IARS2: variants seen among roughly 807,000 people sequenced by gnomAD.
IARS2 encodes isoleucine--tRNA ligase, mitochondrial.
In IARS2, 56 loss-of-function variants were observed where a neutral mutation model predicts 126.3. That is an observed-to-expected ratio of 0.44 (90% CI 0.36 to 0.55). The LOEUF (loss-of-function observed/expected upper bound fraction) is 0.55, where lower values mean the gene tolerates loss of function less well. Ranked by LOEUF, IARS2 falls within the 20% of genes least tolerant of loss-of-function variation. The pLI, the probability that IARS2 is intolerant of heterozygous loss-of-function variation, is 0.00. For synonymous variants in IARS2, 407 were observed against 441.1 expected (o/e 0.92, Z 0.97); for missense variants, 1,127 against 1,245.9 (o/e 0.90, Z 1.44).
At chr1:220,132,115 T>C (rs1657282660) in intron 14 of IARS2, among the ~76,000 whole-genome samples, 1 of 152,188 alleles carries the variant, frequency 6.6e-6, no homozygotes, top group Non-Finnish European at 1.5e-5. Context: ...TTTTTGTGTC[T>C]TTGTTCAACA....
chr1:220,132,741 G>C (rs769050442), intron 14 of IARS2, among the ~76,000 whole-genome samples: 1 of 151,894 alleles, frequency 6.6e-6, no homozygotes, highest in Non-Finnish European at 1.5e-5. Flanking sequence ...GGCCAGGCTG[G>C]TCTTGAACTC....
Position 220,143,376 on chromosome 1 carries a change from A to G in IARS2, c.2751+242A>G, listed in dbSNP as rs557859081. On this transcript the variant is annotated intron_variant, in intron 21 of 22. Coordinates refer to ENST00000366922, the MANE Select transcript of IARS2 (RefSeq NM_018060.4). ...AAATTAAAAAAAAATTAATTTAGAA[A>G]TTAGGGTTTCCGTCTTCTAATCCTG... 10 of 295,858 alleles carry G rather than the reference A, an allele frequency of 3.4e-5. 1 individual carries two copies. In the East Asian group the frequency reaches 5.3e-4, roughly 16 times the overall value. 18.3% of individuals were successfully genotyped at this position (295,858 alleles called of 1,614,324 possible).
In IARS2 at chr1:220,139,079, A is replaced by C. The variant is rs189498035; in HGVS notation, c.2247A>C (p.Val749=). 1.0e-4 allele frequency: 163 copies of C among 1,613,190 alleles called. No homozygotes were observed. The highest frequency in any genetic ancestry group is 1.3e-4 in the Non-Finnish European group (156 of 1,179,152). The change falls in exon 18 of 23, where the codon GTA becomes GTC. Residue 749 remains valine, a synonymous_variant. Transcript: ENST00000366922. ...ACCCAGAAACAGATTCCATCCCTGT[A>C]AACGATATGTATGTCATAGACCAGT... ...DFNPETDSIP[V]NDMYVIDQYM... is the part of the protein sequence containing the mutation.
intron 21 of IARS2, chr1:220,143,910 A>AT: frequency 1.7e-5 from 15 of 878,494 alleles, no homozygotes; most frequent in South Asian, 4.5e-5. Flanking sequence ...AATGAATATA[A>AT]TTTTTTTTCC....
At chr1:220,102,064 C>A in intron 3 of IARS2, 65 bp from the exon 4 acceptor site, 2 of 1,451,306 alleles carry the variant, frequency 1.4e-6, no homozygotes, top group Admixed American at 2.0e-5. Flanking sequence ...GAGATACATG[C>A]TAAACCATGT....
intron 9 of IARS2, among the ~76,000 whole-genome samples, chr1:220,106,630 CTTTT>C (rs200435156): frequency 1.4e-5 from 2 of 138,274 alleles, no homozygotes; most frequent in Admixed American, 7.3e-5. Context: ...CTTTTCTTTT[CTTTT>C]TTTTTTTTTT....
At chr1:220,127,847 A>G (rs987798513) in intron 14 of IARS2, among the ~76,000 whole-genome samples, 22 of 152,326 alleles carry the variant, frequency 1.4e-4, no homozygotes, top group African/African-American at 5.3e-4. Context: ...TAATGGCCAA[A>G]TATAAGTTAC....
At chr1:220,136,218 G>A (rs758985813) in intron 15 of IARS2, among the ~76,000 whole-genome samples, 9 of 152,098 alleles carry the variant, frequency 5.9e-5, no homozygotes, top group Non-Finnish European at 5.9e-5. Flanking sequence ...TGCAATCTCC[G>A]CCTCTTGGGT....
At position 220,126,599 on chromosome 1, in the gene IARS2, A is replaced by T. The variant is rs1322922446; in HGVS notation, c.1744-151A>T. 4 of 615,044 alleles carry T rather than the reference A, an allele frequency of 6.5e-6. No homozygotes were observed. The East Asian group carries it at 1.2e-4, about 18-fold the overall frequency. The allele number at this position is 615,044 out of a possible 1,614,324, so 38.1% of individuals were successfully genotyped here. A position where few individuals can be genotyped will look rare whatever the true frequency, so the allele number is the denominator to read the frequency against. ...AATGTGAATGGAGGGAGTTGAAGTT[A>T]ACTGTGAAATGCTTAAAAATACTGT... On this transcript the variant is annotated intron_variant, in intron 13 of 22. Transcript: ENST00000366922.
intron 12 of IARS2, among the ~76,000 whole-genome samples, chr1:220,120,184 C>T (rs377478810): frequency 4.7e-5 from 7 of 149,860 alleles, no homozygotes; most frequent in Non-Finnish European, 7.4e-5. Flanking sequence ...CAGCTTCAAG[C>T]GATTCTCCTT....
chr1:220,105,541 G>A (rs1045403630), intron 8 of IARS2, among the ~76,000 whole-genome samples: 1 of 152,078 alleles, frequency 6.6e-6, no homozygotes, highest in Non-Finnish European at 1.5e-5. Context: ...TTTGTATGGG[G>A]TAGGTTTTCT....
chr1:220,109,992 C>T (rs1010033299), intron 10 of IARS2, among the ~76,000 whole-genome samples: 5 of 151,930 alleles, frequency 3.3e-5, no homozygotes, highest in South Asian at 2.1e-4. Flanking sequence ...ACAGTCCGTG[C>T]TTTTTTTTGC....
chr1:220,100,373 A>T, intron 2 of IARS2, 117 bp from the exon 3 acceptor site: 3 of 858,600 alleles, frequency 3.5e-6, no homozygotes, highest in Non-Finnish European at 3.5e-6. Context: ...AAAGAACATA[A>T]ATTGTAGGCC....
chr1:220,133,647 A>C (rs1156661110), intron 14 of IARS2, among the ~76,000 whole-genome samples: 2 of 152,190 alleles, frequency 1.3e-5, no homozygotes, highest in Non-Finnish European at 2.9e-5. Flanking sequence ...ACCTCATGTT[A>C]CTTTTTTTTG....
chr1:220,105,948 C>T lies in IARS2; in HGVS notation c.1124C>T (p.Pro375Leu). ...CCATTAATTCCTGATAAAGCCTCTC[C>T]TCTTTTACCTGCAAATCATGTGACC... is the stretch of plus-strand genomic sequence containing the variant. ...SHPLIPDKAS[P>L]LLPANHVTMA... is the part of the protein sequence containing the mutation. Residue 375 changes from proline (P) to leucine (L), a missense_variant, in exon 9 of 23, where the codon CCT (proline) becomes CTT (leucine). Transcript: ENST00000366922. The T allele has an allele frequency of 6.2e-7, 1 of 1,614,086 alleles. No homozygotes were observed. Among genetic ancestry groups the T allele is most frequent in the Non-Finnish European group, 8.5e-7 (1 of 1,179,958 alleles).
At chr1:220,118,286 G>A (rs149286404) in intron 12 of IARS2, 93 of 406,594 alleles carry the variant, frequency 2.3e-4, no homozygotes, top group South Asian at 9.4e-4. Flanking sequence ...GGAGCTGTAC[G>A]ATATCTCTAA....
rs1359505978 is a variant in IARS2 at position 220,141,809 on chromosome 1, T to C, written c.2421T>C (p.Tyr807=). The change falls in exon 20 of 23, where the codon TAT becomes TAC. Residue 807 remains tyrosine, a synonymous_variant. Coordinates refer to ENST00000366922, the MANE Select transcript of IARS2 (RefSeq NM_018060.4). ...ATAAGTTGTTCTTGTTCAGGCTCTA[T>C]TGTGAAAAGGAAAATGACCCCAAAC... ...FYFSIIKDRL[Y]CEKENDPKRR... is the part of the protein sequence containing the mutation. 2 of 1,613,582 alleles carry C rather than the reference T, an allele frequency of 1.2e-6. No homozygotes were observed. The highest frequency in any genetic ancestry group is 1.1e-5 in the South Asian group (1 of 91,024).
At position 220,147,819 on chromosome 1, in the gene IARS2, G is replaced by T; in HGVS notation, c.*184G>T. 1 of 598,772 alleles carries T rather than the reference G, an allele frequency of 1.7e-6. No homozygotes were observed. The highest frequency in any genetic ancestry group is 2.3e-5 in the South Asian group (1 of 44,002). The allele number at this position is 598,772 out of a possible 1,614,324, so 37.1% of individuals were successfully genotyped here. A position where few individuals can be genotyped will look rare whatever the true frequency, so the allele number is the denominator to read the frequency against. On this transcript the variant is annotated 3_prime_UTR_variant, in exon 23 of 23. Transcript: ENST00000366922. ...TTCCTGTAACTATAGAAAGAATTAT[G>T]TATATATACATGCAGAAATATATAT...
At position 220,140,387 on chromosome 1, in the gene IARS2, C is replaced by T. The variant is rs1222842747; in HGVS notation, c.2414+98C>T. 6 of 723,402 alleles carry T rather than the reference C, an allele frequency of 8.3e-6. No individual in the cohort carries two copies. The East Asian group carries it at 1.3e-4, about 16-fold the overall frequency. 44.8% of individuals were successfully genotyped at this position (723,402 alleles called of 1,614,324 possible). A position where few individuals can be genotyped will look rare whatever the true frequency, so the allele number is the denominator to read the frequency against. Reference sequence around the variant, plus strand: ...TTGGGAGGCCGAGGCGGGTGGATGACATGAGGCCAGGAGTTCGAGACCAGT... The same window carrying T: ...TTGGGAGGCCGAGGCGGGTGGATGATATGAGGCCAGGAGTTCGAGACCAGT... On this transcript the variant is annotated intron_variant, in intron 19 of 22. Transcript: ENST00000366922.
Sources: allele counts gnomAD v4.1 joint callset (sites outside exome capture counted in the v4.1 genomes callset), GRCh38; gene constraint gnomAD v4.1.1; transcripts MANE v1.5; gene names NCBI Gene and HGNC (gene_info 2026-07-23, HGNC 2026-07-21).